CNTN4: variants seen among roughly 807,000 people sequenced by gnomAD.
CNTN4 encodes the protein contactin-4.
CNTN4 carries 77 observed loss-of-function variants against 122.5 expected under a neutral mutation model. The observed-to-expected ratio is 0.63, with a 90% CI of 0.52 to 0.76. The LOEUF (loss-of-function observed/expected upper bound fraction) is 0.76, where lower values mean the gene tolerates loss of function less well. Among genes scored for constraint, CNTN4 ranks in the 30% least tolerant of loss-of-function variants. The probability of loss-of-function intolerance (pLI) is 0.00; values close to 1 mark genes in which losing one functional copy is unlikely to be tolerated. For missense variants in CNTN4, 1,256 were observed against 1,259.1 expected, an observed-to-expected ratio of 1.00 and a Z score of 0.04; for synonymous variants, 512 against 447.0, an observed-to-expected ratio of 1.15 and a Z score of -1.83.
intron 14 of CNTN4, 124 bp downstream of exon 14, chr3:2,988,596 C>T: frequency 1.0e-6 from 1 of 980,538 alleles, no homozygotes; most frequent in Non-Finnish European, 1.6e-6. Flanking sequence ...TAAATTAATT[C>T]ATCACGGCAA....
At chr3:2,367,069 G>A (rs1193764899) in intron 3 of CNTN4, among the ~76,000 whole-genome samples, 1 of 151,720 alleles carries the variant, frequency 6.6e-6, no homozygotes, top group East Asian at 1.9e-4. Context: ...AATATTTATT[G>A]TGCAGTTCTC....
intron 2 of CNTN4, among the ~76,000 whole-genome samples, chr3:2,254,117 C>G (rs952110447): frequency 2.7e-5 from 4 of 150,794 alleles, no homozygotes; most frequent in Non-Finnish European, 5.9e-5. Flanking sequence ...TCAACTCCCA[C>G]TTATGAGTGA....
intron 23 of CNTN4, among the ~76,000 whole-genome samples, chr3:3,045,788 G>T (rs1559831292): frequency 1.3e-5 from 2 of 152,232 alleles, no homozygotes; most frequent in Non-Finnish European, 2.9e-5. Flanking sequence ...GAATGACTTT[G>T]ATGAGTTGAG....
At chr3:2,359,119 T>C (rs1405059105) in intron 3 of CNTN4, among the ~76,000 whole-genome samples, 1 of 152,184 alleles carries the variant, frequency 6.6e-6, no homozygotes, top group Non-Finnish European at 1.5e-5. Context: ...TATTTGCAGA[T>C]TTTAATCAAC....
rs888284007 is a variant in CNTN4, at chr3:2,205,843, G to A, written c.-145+105204G>A. ...AGATTATTAAATAAACTTCTGTAAT[G>A]AGTGGATAAAATGGTGTATCCTATG... On this transcript the variant is annotated intron_variant, in intron 2 of 24. Coordinates refer to ENST00000418658, the MANE Select transcript of CNTN4 (RefSeq NM_175607.3). 3.9e-5 allele frequency among the ~76,000 whole-genome samples: 6 copies of A among 152,078 alleles called. No individual in the cohort carries two copies. In the South Asian group the frequency reaches 1.0e-3, roughly 26 times the overall value.
chr3:2,721,774 C>A (rs1271838057), intron 4 of CNTN4, among the ~76,000 whole-genome samples: 1 of 152,128 alleles, frequency 6.6e-6, no homozygotes, highest in Non-Finnish European at 1.5e-5. Flanking sequence ...GAAAGGACTT[C>A]ACTGTCAACT....
chr3:2,503,260 G>GATA (rs1431828034), intron 3 of CNTN4, among the ~76,000 whole-genome samples: 10 of 152,254 alleles, frequency 6.6e-5, no homozygotes, highest in African/African-American at 2.2e-4. Flanking sequence ...TGGCTGGATA[G>GATA]GATTGAGGGA....
At chr3:2,892,639 C>T (rs1310601632) in intron 10 of CNTN4, among the ~76,000 whole-genome samples, 1 of 152,170 alleles carries the variant, frequency 6.6e-6, no homozygotes, top group African/African-American at 2.4e-5. Flanking sequence ...TTATAGTCAT[C>T]ATTTAGTAGA....
intron 3 of CNTN4, among the ~76,000 whole-genome samples, chr3:2,455,995 G>T (rs1011038724): frequency 6.6e-6 from 1 of 152,030 alleles, no homozygotes; most frequent in Non-Finnish European, 1.5e-5. Flanking sequence ...GGAATATTTT[G>T]CTAGGCACAG....
At chr3:2,997,051 G>T (rs1695601931) in intron 14 of CNTN4, among the ~76,000 whole-genome samples, 1 of 152,152 alleles carries the variant, frequency 6.6e-6, no homozygotes, top group African/African-American at 2.4e-5. Flanking sequence ...GGAAAGAAAT[G>T]GTTTATGTTA....
intron 6 of CNTN4, among the ~76,000 whole-genome samples, chr3:2,755,569 T>G (rs1181267455): frequency 6.6e-6 from 1 of 152,170 alleles, no homozygotes; most frequent in East Asian, 1.9e-4. Flanking sequence ...GGGTGTCTAT[T>G]GAAAATTTCA....
chr3:2,379,032 A>G (rs187051978), intron 3 of CNTN4, among the ~76,000 whole-genome samples: 3 of 152,314 alleles, frequency 2.0e-5, no homozygotes, highest in South Asian at 2.1e-4. Flanking sequence ...AATGAAGTCA[A>G]ATACAATGCT....
chr3:2,719,694 G>A (rs1293840625), intron 4 of CNTN4, among the ~76,000 whole-genome samples: 1 of 152,036 alleles, frequency 6.6e-6, no homozygotes, highest in Non-Finnish European at 1.5e-5. Flanking sequence ...AAAGTGCTAG[G>A]ATTACAGGCG....
Position 3,043,555 on chromosome 3 carries a change from A to G in CNTN4, c.2699-37A>G, listed in dbSNP as rs942435761. The G allele has an allele frequency of 1.2e-5, 18 of 1,470,778 alleles. No individual in the cohort carries two copies. In the Admixed American group the frequency reaches 2.5e-4, roughly 21 times the overall value. The allele number at this position is 1,470,778 out of a possible 1,614,324, so 91.1% of individuals were successfully genotyped here. On this transcript the variant is annotated intron_variant, in intron 22 of 24. Coordinates refer to ENST00000418658, the MANE Select transcript of CNTN4 (RefSeq NM_175607.3). ...ATTCCTCAGAATCCATTGAGACTTA[A>G]TAATCTGTGACTTCGTATATCTTAA...
chr3:2,632,646 C>T (rs2082494197), intron 4 of CNTN4, among the ~76,000 whole-genome samples: 3 of 152,152 alleles, frequency 2.0e-5, no homozygotes, highest in Admixed American at 2.0e-4. Context: ...AAGTTAAATT[C>T]ACCAATGGTG....
At chr3:2,585,385 C>T (rs2080142606) in intron 4 of CNTN4, among the ~76,000 whole-genome samples, 1 of 151,590 alleles carries the variant, frequency 6.6e-6, no homozygotes, top group Non-Finnish European at 1.5e-5. Flanking sequence ...AAGACACATG[C>T]ACACGTATGT....
At chr3:2,570,406 G>C (rs1426882821) in intron 3 of CNTN4, among the ~76,000 whole-genome samples, 2 of 152,068 alleles carry the variant, frequency 1.3e-5, no homozygotes, top group Non-Finnish European at 2.9e-5. Context: ...TGAACTCCTG[G>C]CCTCAAGAGA....
intron 13 of CNTN4, among the ~76,000 whole-genome samples, chr3:2,961,225 A>T (rs1478695349): frequency 7.6e-6 from 1 of 131,550 alleles, no homozygotes; most frequent in Non-Finnish European, 1.6e-5. Flanking sequence ...ACGAGACTCC[A>T]TCTCACAAAA....
intron 14 of CNTN4, among the ~76,000 whole-genome samples, chr3:3,003,712 AAAC>A (rs1559776166): frequency 4.2e-4 from 62 of 148,444 alleles, no homozygotes; most frequent in East Asian, 1.2e-3. Flanking sequence ...AAAAAAAAAA[AAAC>A]AAAAAAACCC....
Sources: gnomAD v4.1 joint callset for allele counts (sites outside exome capture counted in the v4.1 genomes callset) on GRCh38, gnomAD v4.1.1 for gene constraint, MANE v1.5 for transcripts, NCBI Gene and HGNC (gene_info 2026-07-23, HGNC 2026-07-21) for gene names.